The following PMM2 variants were observed in gnomAD, a reference collection of about 807,000 sequenced individuals.
PMM2 encodes the protein phosphomannomutase 2, also known as mannose-6-phosphate isomerase.
PMM2 carries 35 observed loss-of-function variants against 33.2 expected under a neutral mutation model. That is an observed-to-expected ratio of 1.06 (90% CI 0.81 to 1.40). PMM2 has a LOEUF of 1.40. Among genes scored for constraint, PMM2 ranks in the 40% most tolerant of loss-of-function variants. PMM2 has a pLI of 0.00. For missense variants in PMM2, 386 were observed against 306.0 expected, an observed-to-expected ratio of 1.26 and a Z score of -1.95; for synonymous variants, 153 against 114.7, an observed-to-expected ratio of 1.33 and a Z score of -2.13.
intron 2 of PMM2, among the ~76,000 whole-genome samples, chr16:8,802,616 G>T (rs1190411527): frequency 2.0e-5 from 3 of 152,046 alleles, no homozygotes; most frequent in Non-Finnish European, 4.4e-5. Flanking sequence ...ATCACCTGAG[G>T]TCAGGAGTTT....
intron 7 of PMM2, among the ~76,000 whole-genome samples, chr16:8,821,103 G>T (rs1160158477): frequency 1.3e-5 from 2 of 152,168 alleles, no homozygotes; most frequent in African/African-American, 2.4e-5. Context: ...ACTACTTATT[G>T]CTGGGACCAC....
At chr16:8,832,615 G>T (rs1348761561) in intron 7 of PMM2, 2 of 985,220 alleles carry the variant, frequency 2.0e-6, no homozygotes, top group African/African-American at 1.7e-5. Context: ...TGTCCTCTTT[G>T]CACCCTGGCC....
At chr16:8,832,248 G>T in intron 7 of PMM2, 1 of 985,440 alleles carries the variant, frequency 1.0e-6, no homozygotes, top group South Asian at 4.7e-5. Context: ...CCTGAGGCAG[G>T]TTGTGTTTGT....
In PMM2 at chr16:8,848,551, C is replaced by T. The variant is rs924443866; in HGVS notation, c.*726C>T. The T allele has an allele frequency of 6.6e-6, 1 of 152,542 alleles. No homozygotes were observed. The allele number at this position is 152,542 out of a possible 1,614,324, so 9.4% of individuals were successfully genotyped here. ...GAATAGCCTGGCTGCTTCTCTGTCT[C>T]CGAGACCGGAGGTAGTGGGAACCAA... is the stretch of plus-strand genomic sequence containing the variant. On this transcript the variant is annotated 3_prime_UTR_variant, in exon 8 of 8. Transcript: ENST00000268261.
At chr16:8,824,867 A>G (rs1352433677) in intron 7 of PMM2, among the ~76,000 whole-genome samples, 1 of 152,236 alleles carries the variant, frequency 6.6e-6, no homozygotes, top group African/African-American at 2.4e-5. Context: ...TGAAGATAGC[A>G]TGAGGCCAAC....
chr16:8,810,575 CTTTTT>C (rs33970854), intron 4 of PMM2: 7 of 113,630 alleles, frequency 6.2e-5, no homozygotes, highest in Admixed American at 1.8e-4. Context: ...TAAAATATGA[CTTTTT>C]TTTTTTTTTT....
In PMM2 at chr16:8,804,984, C is replaced by T. The variant is rs1163482938; in HGVS notation, c.255+141C>T. ...GTATTTTTTGTTTTGCATTTTGAACCATGTGACTATTACATATTCTACATT... is the reference window on the plus strand; with the variant it reads ...GTATTTTTTGTTTTGCATTTTGAACTATGTGACTATTACATATTCTACATT... On this transcript the variant is annotated intron_variant, in intron 3 of 7. Coordinates refer to ENST00000268261, the MANE Select transcript of PMM2 (RefSeq NM_000303.3). 3 of 657,600 alleles carry T rather than the reference C, an allele frequency of 4.6e-6. No homozygotes were observed. The East Asian group carries it at 8.2e-5, about 18-fold the overall frequency. The allele number at this position is 657,600 out of a possible 1,614,324, so 40.7% of individuals were successfully genotyped here. A position where few individuals can be genotyped will look rare whatever the true frequency, so the allele number is the denominator to read the frequency against.
chr16:8,802,536 T>C (rs2060622211), intron 2 of PMM2: 2 of 256,920 alleles, frequency 7.8e-6, no homozygotes, highest in African/African-American at 4.5e-5. Flanking sequence ...CTGTAAGAAA[T>C]TGTAAGTGGA....
At chr16:8,832,450 C>T in intron 7 of PMM2, 3 of 985,398 alleles carry the variant, frequency 3.0e-6, no homozygotes, top group Non-Finnish European at 3.6e-6. Flanking sequence ...CAGACACCTC[C>T]CCACCAGCCC....
chr16:8,806,775 CA>C (rs969469725), intron 4 of PMM2: 7 of 306,210 alleles, frequency 2.3e-5, no homozygotes, highest in Non-Finnish European at 4.4e-5. Context: ...GAAATTTATA[CA>C]ACCATTGAAG....
chr16:8,812,264 G>A (rs193244276), intron 6 of PMM2, among the ~76,000 whole-genome samples: 67 of 152,338 alleles, frequency 4.4e-4, no homozygotes, highest in African/African-American at 1.6e-3. Flanking sequence ...CGTTTCTGGT[G>A]TCTAATGCAG....
At chr16:8,841,985 A>G (rs1207227428) in intron 7 of PMM2, among the ~76,000 whole-genome samples, 1 of 151,408 alleles carries the variant, frequency 6.6e-6, no homozygotes, top group African/African-American at 2.4e-5. Context: ...TACGGCCTCT[A>G]AAAGTATTAA....
chr16:8,816,290 C>T (rs1253552627), intron 7 of PMM2, among the ~76,000 whole-genome samples: 1 of 151,980 alleles, frequency 6.6e-6, no homozygotes, highest in Non-Finnish European at 1.5e-5. Context: ...CCATGCCCAG[C>T]TAATTTTGTA....
intron 7 of PMM2, among the ~76,000 whole-genome samples, chr16:8,839,706 ATTGT>A (rs2060876476): frequency 6.6e-6 from 1 of 151,854 alleles, no homozygotes; most frequent in African/African-American, 2.4e-5. Flanking sequence ...GAAGGCTCCC[ATTGT>A]TTGAGTGATG....
chr16:8,802,116 T>C (rs1207660778), intron 2 of PMM2: 4 of 559,004 alleles, frequency 7.2e-6, no homozygotes, highest in Non-Finnish European at 1.4e-5. Context: ...AACTGGGTAC[T>C]CAGATGTGTG....
chr16:8,829,020 C>T (rs1198887670), intron 7 of PMM2, among the ~76,000 whole-genome samples: 1 of 152,126 alleles, frequency 6.6e-6, no homozygotes, highest in Non-Finnish European at 1.5e-5. Flanking sequence ...CTCTATTGCC[C>T]AGGCTGGAGT....
chr16:8,817,629 G>A (rs80225312), intron 7 of PMM2, among the ~76,000 whole-genome samples: 4,015 of 152,144 alleles, frequency 0.026, 182 homozygotes, highest in African/African-American at 0.092. Flanking sequence ...TACCATGCCT[G>A]GATTCTATTT....
At chr16:8,812,071 G>T (rs923404951) in intron 6 of PMM2, among the ~76,000 whole-genome samples, 9 of 152,186 alleles carry the variant, frequency 5.9e-5, no homozygotes, top group African/African-American at 1.9e-4. Context: ...CTCCATAAGG[G>T]AGACATGGAA....
At chr16:8,837,972 T>G (rs1042728059) in intron 7 of PMM2, among the ~76,000 whole-genome samples, 2 of 152,220 alleles carry the variant, frequency 1.3e-5, no homozygotes, top group South Asian at 2.1e-4. Context: ...TTGAAGTGTT[T>G]CATGCGCGTC....
Sources: allele counts gnomAD v4.1 joint callset (sites outside exome capture counted in the v4.1 genomes callset), GRCh38; gene constraint gnomAD v4.1.1; transcripts MANE v1.5; gene names NCBI Gene and HGNC (gene_info 2026-07-23, HGNC 2026-07-21).